Variants in HTR4 observed in about 807,000 individuals in gnomAD.
HTR4 encodes the protein 5-hydroxytryptamine (serotonin) receptor 4, G protein-coupled.
Under a neutral mutation model 36.8 loss-of-function variants are expected in HTR4, and 16 were observed. The observed-to-expected ratio is 0.43, with a 90% CI of 0.29 to 0.66. The LOEUF (loss-of-function observed/expected upper bound fraction) is 0.66, where lower values mean the gene tolerates loss of function less well. Among genes scored for constraint, HTR4 ranks in the 30% least tolerant of loss-of-function variants. The probability of loss-of-function intolerance (pLI) is 0.13; values close to 1 mark genes in which losing one functional copy is unlikely to be tolerated. For missense variants in HTR4, 438 were observed against 490.9 expected (o/e 0.89, Z 1.02); for synonymous variants, 189 against 185.1 (o/e 1.02, Z -0.17).
chr5:148,522,298 C>T (rs996370821), intron 5 of HTR4, among the ~76,000 whole-genome samples: 3 of 152,118 alleles, frequency 2.0e-5, no homozygotes, highest in Non-Finnish European at 2.9e-5. Context: ...GCCTTATAGA[C>T]TCTCCACATA....
intron 2 of HTR4, among the ~76,000 whole-genome samples, chr5:148,581,032 TTAA>T (rs1190863958): frequency 1.3e-5 from 2 of 152,014 alleles, no homozygotes; most frequent in African/African-American, 2.4e-5. Flanking sequence ...CTTTTTTTTT[TTAA>T]TAATAGCCAT....
rs58317625 is a variant in HTR4 at position 148,560,135 on chromosome 5, A to G, written c.27-9873T>C. Among the ~76,000 whole-genome samples, 562 of 149,240 alleles carry G rather than the reference A, an allele frequency of 3.8e-3. 1 individual carries two copies. The highest frequency in any genetic ancestry group is 0.013 in the African/African-American group (539 of 40,324). ...GGCTTATATTACTTTGGGTTCTTGT[A>G]CTAAGTTCTCAGGTCTCCCAGTTAA... On this transcript the variant is annotated intron_variant, in intron 2 of 6. Transcript: ENST00000377888.
chr5:148,566,009 A>T (rs1389737946), intron 2 of HTR4, among the ~76,000 whole-genome samples: 1 of 152,202 alleles, frequency 6.6e-6, no homozygotes, highest in Non-Finnish European at 1.5e-5. Flanking sequence ...TGCTCCAAAA[A>T]TTCCAAAAGA....
rs551280636 is a variant in HTR4, at chr5:148,530,889, C to T, written c.354-7543G>A. ...ATGACCTGGATGTGAGACATGGATT[C>T]AAAGGAGATCATTTTGGAGCTTTAA... is the stretch of plus-strand genomic sequence containing the variant. On this transcript the variant is annotated intron_variant, in intron 4 of 6. Transcript: ENST00000377888. Among the ~76,000 whole-genome samples, 8 of 152,314 alleles carry T rather than the reference C, an allele frequency of 5.3e-5. No homozygotes were observed. In the South Asian group the frequency reaches 8.3e-4, roughly 16 times the overall value.
At chr5:148,630,746 T>C (rs546263382) in intron 2 of HTR4, among the ~76,000 whole-genome samples, 7 of 152,252 alleles carry the variant, frequency 4.6e-5, no homozygotes, top group African/African-American at 1.7e-4. Flanking sequence ...ATGCATACTA[T>C]GTGCAAAATA....
intron 2 of HTR4, among the ~76,000 whole-genome samples, chr5:148,573,302 A>G (rs1381646386): frequency 1.3e-5 from 2 of 152,076 alleles, no homozygotes; most frequent in East Asian, 3.9e-4. Flanking sequence ...GGGTTAGATT[A>G]TACTCTGGGA....
chr5:148,554,400 C>A (rs1469604478), intron 2 of HTR4, among the ~76,000 whole-genome samples: 1 of 152,036 alleles, frequency 6.6e-6, no homozygotes, highest in Non-Finnish European at 1.5e-5. Context: ...ATACATGCTA[C>A]CACATGGATG....
At chr5:148,527,749 G>A (rs1258200555) in intron 4 of HTR4, among the ~76,000 whole-genome samples, 1 of 152,102 alleles carries the variant, frequency 6.6e-6, no homozygotes, top group Non-Finnish European at 1.5e-5. Context: ...GAGTAGCTGG[G>A]AATACAGGCG....
chr5:148,532,550 G>A (rs552309596), intron 4 of HTR4, among the ~76,000 whole-genome samples: 5 of 152,306 alleles, frequency 3.3e-5, no homozygotes, highest in South Asian at 4.1e-4. Context: ...CTTCAATAGC[G>A]GTTTTTTAAG....
chr5:148,556,033 T>C (rs1294038431), intron 2 of HTR4, among the ~76,000 whole-genome samples: 5 of 152,144 alleles, frequency 3.3e-5, no homozygotes, highest in Admixed American at 1.3e-4. Flanking sequence ...TATTTATTTA[T>C]TTATTTTTGA....
intron 2 of HTR4, among the ~76,000 whole-genome samples, chr5:148,564,585 A>G (rs1760356667): frequency 6.6e-6 from 1 of 152,134 alleles, no homozygotes; most frequent in Non-Finnish European, 1.5e-5. Flanking sequence ...CATTCAGCTC[A>G]ATAGTTCTGT....
At chr5:148,632,692 T>G (rs941947425) in intron 2 of HTR4, among the ~76,000 whole-genome samples, 13 of 152,126 alleles carry the variant, frequency 8.5e-5, no homozygotes, top group Admixed American at 7.2e-4. Flanking sequence ...AAAAAGAAAT[T>G]GATTGAAAAA....
At chr5:148,546,138 G>C (rs992757683) in intron 4 of HTR4, among the ~76,000 whole-genome samples, 1 of 152,118 alleles carries the variant, frequency 6.6e-6, no homozygotes, top group African/African-American at 2.4e-5. Flanking sequence ...CAAGCTGTTG[G>C]AGCAGCTATT....
At chr5:148,530,727 C>T (rs192950601) in intron 4 of HTR4, among the ~76,000 whole-genome samples, 1 of 152,204 alleles carries the variant, frequency 6.6e-6, no homozygotes, top group African/African-American at 2.4e-5. Context: ...GATCCACCAA[C>T]AGCTTGCACT....
At chr5:148,616,758 CACAG>C (rs1055237472) in intron 2 of HTR4, among the ~76,000 whole-genome samples, 6 of 141,846 alleles carry the variant, frequency 4.2e-5, no homozygotes, top group African/African-American at 7.4e-5. Context: ...TCTGTACATA[CACAG>C]ACAGATTTTT....
rs1382172933 is a variant in HTR4, at chr5:148,523,073, A to G, written c.507+120T>C. The G allele has an allele frequency of 6.0e-6, 6 of 992,366 alleles. No homozygotes were observed. In the African/African-American group the frequency reaches 1.0e-4, roughly 17 times the overall value. 61.5% of individuals were successfully genotyped at this position (992,366 alleles called of 1,614,324 possible). On this transcript the variant is annotated intron_variant, in intron 5 of 6. Coordinates refer to ENST00000377888, the MANE Select transcript of HTR4 (RefSeq NM_000870.7). ...AAAAGTGTTAGCTTTAAAAAAAAAAATTATCACCCAGACCACTATCAGATT... is the reference window on the plus strand; with the variant it reads ...AAAAGTGTTAGCTTTAAAAAAAAAAGTTATCACCCAGACCACTATCAGATT...
intron 5 of HTR4, among the ~76,000 whole-genome samples, chr5:148,510,936 C>T (rs1286520792): frequency 6.6e-6 from 1 of 152,142 alleles, no homozygotes; most frequent in East Asian, 1.9e-4. Flanking sequence ...TTGGGTAGGG[C>T]AAGGTCATGA....
chr5:148,575,309 G>T (rs1285385319), intron 2 of HTR4, among the ~76,000 whole-genome samples: 1 of 152,012 alleles, frequency 6.6e-6, no homozygotes, highest in African/African-American at 2.4e-5. Flanking sequence ...TCAGAAACTG[G>T]ATTCCTTTCT....
At chr5:148,560,660 A>G (rs540642544) in intron 2 of HTR4, among the ~76,000 whole-genome samples, 150 of 152,330 alleles carry the variant, frequency 9.8e-4, no homozygotes, top group African/African-American at 3.4e-3. Context: ...GGCGAATTCA[A>G]TCTTCATAAT....
Sources: gnomAD v4.1 joint callset for allele counts (sites outside exome capture counted in the v4.1 genomes callset) on GRCh38, gnomAD v4.1.1 for gene constraint, MANE v1.5 for transcripts, NCBI Gene and HGNC (gene_info 2026-07-23, HGNC 2026-07-21) for gene names.